The following ITPR1 variants were observed in gnomAD, a reference collection of about 807,000 sequenced individuals.
ITPR1 encodes the protein inositol 1,4,5-trisphosphate receptor type 1, also known as inositol 1,4,5-trisphosphate-gated calcium channel ITPR1.
ITPR1 carries 96 observed loss-of-function variants against 318.4 expected under a neutral mutation model. That is an observed-to-expected ratio of 0.30 (90% CI 0.26 to 0.36). ITPR1 has a LOEUF of 0.36. Among genes scored for constraint, ITPR1 ranks in the 10% least tolerant of loss-of-function variants. The pLI is 1.00. For synonymous variants in ITPR1, 1,312 were observed against 1,289.9 expected, an observed-to-expected ratio of 1.02 and a Z score of -0.37; for missense variants, 2,440 against 3,460.2, an observed-to-expected ratio of 0.71 and a Z score of 7.40.
chr3:4,617,659 C>T (rs1331828186), intron 4 of ITPR1, among the ~76,000 whole-genome samples: 1 of 152,066 alleles, frequency 6.6e-6, no homozygotes, highest in Non-Finnish European at 1.5e-5. Flanking sequence ...AAAAACTGAA[C>T]ACCAATTGAG....
intron 53 of ITPR1, among the ~76,000 whole-genome samples, chr3:4,796,437 G>A (rs925546590): frequency 1.4e-4 from 22 of 152,140 alleles, no homozygotes; most frequent in Non-Finnish European, 2.4e-4. Context: ...AGAGGAGTGC[G>A]TGGCAGAGGG....
At chr3:4,588,809 C>T (rs1293094224) in intron 4 of ITPR1, among the ~76,000 whole-genome samples, 1 of 152,146 alleles carries the variant, frequency 6.6e-6, no homozygotes, top group Non-Finnish European at 1.5e-5. Flanking sequence ...TCTTCCCCAT[C>T]GTGATGTATA....
rs768123521 is a variant in ITPR1, at chr3:4,710,308, CTG to C, written c.4843-13_4843-12del. ...CGTCTGCCTGAGCCGTTGACTGAGG[CTG>C]TGTTTCCGTTTTAGGACATCGTCTC... On this transcript the variant is annotated splice_polypyrimidine_tract_variant and intron_variant, in intron 37 of 61. Coordinates refer to ENST00000649015, the MANE Select transcript of ITPR1 (RefSeq NM_001378452.1). The surrounding 1 kb of genome is among the most constrained non-coding windows in gnomAD (Gnocchi z 4.2). The C allele has an allele frequency of 8.5e-6, 13 of 1,530,274 alleles. 1 individual carries two copies. In the South Asian group the frequency reaches 1.2e-4, roughly 14 times the overall value. 94.8% of individuals were successfully genotyped at this position (1,530,274 alleles called of 1,614,324 possible). A position where few individuals can be genotyped will look rare whatever the true frequency, so the allele number is the denominator to read the frequency against.
chr3:4,828,462 G>A (rs554238299), intron 60 of ITPR1, among the ~76,000 whole-genome samples: 5 of 152,212 alleles, frequency 3.3e-5, no homozygotes, highest in East Asian at 3.9e-4. Context: ...AAATGGGCTC[G>A]CCCTGCCCTT....
intron 17 of ITPR1, 104 bp downstream of exon 17, chr3:4,665,400 T>C: frequency 9.4e-7 from 1 of 1,063,650 alleles, no homozygotes; most frequent in Non-Finnish European, 1.4e-6. Context: ...ATAGAATGGA[T>C]GCAGAATAGT....
At chr3:4,516,954 G>T (rs1457496100) in intron 3 of ITPR1, among the ~76,000 whole-genome samples, 1 of 152,146 alleles carries the variant, frequency 6.6e-6, no homozygotes, top group African/African-American at 2.4e-5. Context: ...TTTTGTAAAG[G>T]CTCTTCTTTT....
At chr3:4,703,882 C>T (rs1384097823) in intron 36 of ITPR1, among the ~76,000 whole-genome samples, 8 of 152,130 alleles carry the variant, frequency 5.3e-5, no homozygotes, top group Admixed American at 1.3e-4. Flanking sequence ...AATATATACA[C>T]GACAGGTTCA....
chr3:4,639,158 G>C (rs1559590537), intron 5 of ITPR1, among the ~76,000 whole-genome samples: 3 of 151,658 alleles, frequency 2.0e-5, no homozygotes, highest in African/African-American at 7.3e-5. Context: ...CTTAAAGAAA[G>C]AAAAAAAAGC....
At chr3:4,608,105 G>A (rs1205375476) in intron 4 of ITPR1, among the ~76,000 whole-genome samples, 2 of 152,122 alleles carry the variant, frequency 1.3e-5, no homozygotes, top group African/African-American at 4.8e-5. Context: ...GAAGGTTAAC[G>A]GGAAGATGAG....
intron 31 of ITPR1, among the ~76,000 whole-genome samples, chr3:4,690,053 G>C (rs1396295660): frequency 1.3e-5 from 2 of 152,220 alleles, no homozygotes; most frequent in African/African-American, 2.4e-5. Context: ...AAGGCAGGCG[G>C]ATCACTTGAG....
chr3:4,752,249 A>G (rs189196796), intron 44 of ITPR1, among the ~76,000 whole-genome samples: 5 of 152,364 alleles, frequency 3.3e-5, no homozygotes, highest in African/African-American at 7.2e-5. Context: ...ACAAACCCAC[A>G]AACTGTTGAG....
At chr3:4,679,536 C>A (rs1248649419) in intron 24 of ITPR1, among the ~76,000 whole-genome samples, 1 of 152,202 alleles carries the variant, frequency 6.6e-6, no homozygotes, top group Non-Finnish European at 1.5e-5. Context: ...TTCGGTCTTC[C>A]TCCACCTGTT....
At chr3:4,510,955 C>T (rs1461851169) in intron 2 of ITPR1, among the ~76,000 whole-genome samples, 1 of 152,032 alleles carries the variant, frequency 6.6e-6, no homozygotes, top group Non-Finnish European at 1.5e-5. Flanking sequence ...AGAGGGAGGA[C>T]TGGAGGAGCC....
At chr3:4,763,510 C>G (rs1465006606) in intron 44 of ITPR1, among the ~76,000 whole-genome samples, 2 of 152,202 alleles carry the variant, frequency 1.3e-5, no homozygotes, top group African/African-American at 4.8e-5. Flanking sequence ...AGAGCCCAGC[C>G]TGGGACTCCT....
Position 4,639,377 on chromosome 3 carries a change from T to C in ITPR1, c.280-7T>C. ...CTTTGTGATCAATCTTTCTTCTCAATGCACAGCACGCTGCAGACTTGGAAA... is the reference window on the plus strand; with the variant it reads ...CTTTGTGATCAATCTTTCTTCTCAACGCACAGCACGCTGCAGACTTGGAAA... On this transcript the variant is annotated splice_region_variant and splice_polypyrimidine_tract_variant and intron_variant, in intron 5 of 61. Transcript: ENST00000649015. The C allele has an allele frequency of 6.4e-7, 1 of 1,558,484 alleles. No individual in the cohort carries two copies. Among genetic ancestry groups the C allele is most frequent in the African/African-American group, 1.4e-5 (1 of 73,530 alleles).
At chr3:4,608,262 T>A (rs1430919508) in intron 4 of ITPR1, among the ~76,000 whole-genome samples, 1 of 152,108 alleles carries the variant, frequency 6.6e-6, no homozygotes, top group Non-Finnish European at 1.5e-5. Flanking sequence ...TTTAAAACCT[T>A]CTCCATGTGA....
chr3:4,652,314 G>T, intron 11 of ITPR1, 96 bp downstream of exon 11: 1 of 818,122 alleles, frequency 1.2e-6, no homozygotes, highest in Non-Finnish European at 2.0e-6. Context: ...AAAGGCTTAG[G>T]GAAATACACT....
rs377480003 is a variant in ITPR1, at chr3:4,644,244, T to C, written c.624+10T>C. 3.8e-6 allele frequency: 6 copies of C among 1,573,012 alleles called. No homozygotes were observed. The highest frequency in any genetic ancestry group is 2.3e-5 in the East Asian group (1 of 44,038). On this transcript the variant is annotated intron_variant, in intron 8 of 61. Transcript: ENST00000649015. ...CCCAGGCTGCAATGAGGTAAGGACA[T>C]TGAGTTATGTGTGTGGGTGTGGTTA...
chr3:4,604,981 T>G (rs931629202), intron 4 of ITPR1, among the ~76,000 whole-genome samples: 4 of 151,928 alleles, frequency 2.6e-5, no homozygotes, highest in Non-Finnish European at 4.4e-5. Flanking sequence ...TATTTTTTTT[T>G]GGGTGGGGGG....
Sources: gnomAD v4.1 joint callset for allele counts (sites outside exome capture counted in the v4.1 genomes callset) on GRCh38, gnomAD v4.1.1 for gene constraint, Gnocchi (gnomAD v3.1) non-coding constraint, MANE v1.5 for transcripts, NCBI Gene and HGNC (gene_info 2026-07-23, HGNC 2026-07-21) for gene names.